CFAP43: variants seen among roughly 807,000 people sequenced by gnomAD.
CFAP43 encodes the protein cilia- and flagella-associated protein 43.
In CFAP43, 155 loss-of-function variants were observed where a neutral mutation model predicts 218.9. The observed-to-expected ratio is 0.71, with a 90% CI of 0.62 to 0.81. The LOEUF (loss-of-function observed/expected upper bound fraction) is 0.81, where lower values mean the gene tolerates loss of function less well. Among genes scored for constraint, CFAP43 ranks in the 30% least tolerant of loss-of-function variants. CFAP43 has a pLI of 0.00. For missense variants in CFAP43, 1,778 were observed against 1,954.3 expected (o/e 0.91, Z 1.70); for synonymous variants, 645 against 681.3 (o/e 0.95, Z 0.83).
chr10:104,140,785 T>G (rs2087669679), intron 34 of CFAP43, 57 bp downstream of exon 34: 1 of 1,397,050 alleles, frequency 7.2e-7, no homozygotes, highest in Non-Finnish European at 9.6e-7. Flanking sequence ...CACAAGACTC[T>G]AGCCTGAGTA....
At position 104,166,565 on chromosome 10, in the gene CFAP43, C is replaced by T; in HGVS notation, c.2962G>A (p.Val988Ile). The change falls in exon 23 of 38, where the codon GTA becomes ATA. Residue 988 changes from valine (V) to isoleucine (I), a missense_variant. Val to Ile is a conservative substitution (Grantham distance 29). Around this residue, in one of 3 missense-constraint regions of CFAP43, gnomAD observed 1,553 missense variants for 1,685.2 expected, o/e 0.92. Coordinates refer to ENST00000357060, the MANE Select transcript of CFAP43 (RefSeq NM_025145.7). ...LLGSLSTDFG[V>I]DTSLLSSQLE... ...TGGCTTGACAATAAAGAGGTATCTA[C>T]CCCAAAATCAGTACTCAGACTACCA... 2 of 1,614,070 alleles carry T rather than the reference C, an allele frequency of 1.2e-6. No homozygotes were observed. The highest frequency in any genetic ancestry group is 2.2e-5 in the East Asian group (1 of 44,868).
rs1304526466 is a variant in CFAP43, at chr10:104,217,738, C to T, written c.417-3312G>A. ...AGGTCAGCTGGTACCTATGCCAGCA[C>T]CTGCTCCACTGTATCATACAGATGC... On this transcript the variant is annotated intron_variant, in intron 3 of 37. Coordinates refer to ENST00000357060, the MANE Select transcript of CFAP43 (RefSeq NM_025145.7). 2.0e-5 allele frequency among the ~76,000 whole-genome samples: 3 copies of T among 152,196 alleles called. No homozygotes were observed. The South Asian group carries it at 6.2e-4, about 31-fold the overall frequency.
At position 104,185,250 on chromosome 10, in the gene CFAP43, A is replaced by G. The variant is rs1382508516; in HGVS notation, c.2011-104T>C. The G allele has an allele frequency of 4.2e-6, 6 of 1,436,558 alleles. No homozygotes were observed. The African/African-American group carries it at 4.3e-5, about 10-fold the overall frequency. The allele number at this position is 1,436,558 out of a possible 1,614,324, so 89.0% of individuals were successfully genotyped here. A position where few individuals can be genotyped will look rare whatever the true frequency, so the allele number is the denominator to read the frequency against. On this transcript the variant is annotated intron_variant, in intron 15 of 37. Coordinates refer to ENST00000357060, the MANE Select transcript of CFAP43 (RefSeq NM_025145.7). ...CTTTTTTGTGGATAAATCATTTTCT[A>G]TTTGCTAACAGCATTTTAATTGGTA... is the stretch of plus-strand genomic sequence containing the variant.
chr10:104,215,956 T>A (rs1412636385), intron 3 of CFAP43, among the ~76,000 whole-genome samples: 1 of 152,106 alleles, frequency 6.6e-6, no homozygotes, highest in African/African-American at 2.4e-5. Context: ...CTTAGGGACA[T>A]TGGTTTACTC....
intron 12 of CFAP43, among the ~76,000 whole-genome samples, chr10:104,189,287 A>C (rs1040599144): frequency 1.1e-4 from 17 of 152,142 alleles, no homozygotes; most frequent in African/African-American, 4.1e-4. Flanking sequence ...CCTGTCTTCA[A>C]ATAAGAACCT....
At chr10:104,216,021 A>G (rs771912688) in intron 3 of CFAP43, among the ~76,000 whole-genome samples, 2 of 151,936 alleles carry the variant, frequency 1.3e-5, no homozygotes, top group Non-Finnish European at 2.9e-5. Flanking sequence ...CTGCCAACAC[A>G]CAAGTGCTCA....
At chr10:104,220,471 T>A (rs535407659) in intron 3 of CFAP43, among the ~76,000 whole-genome samples, 6 of 152,280 alleles carry the variant, frequency 3.9e-5, no homozygotes, top group South Asian at 4.1e-4. Flanking sequence ...GTTCCCATTG[T>A]GCCTTAGATC....
intron 28 of CFAP43, among the ~76,000 whole-genome samples, chr10:104,151,161 T>C (rs2088236972): frequency 6.6e-6 from 1 of 152,260 alleles, no homozygotes; most frequent in African/African-American, 2.4e-5. Flanking sequence ...GCATTTAGGT[T>C]GATTCCATGT....
At chr10:104,212,449 T>C (rs1431228135) in intron 4 of CFAP43, among the ~76,000 whole-genome samples, 1 of 152,178 alleles carries the variant, frequency 6.6e-6, no homozygotes. Context: ...ATGTGACTGG[T>C]GAGGACAGTG....
At chr10:104,215,751 AT>A (rs1447162826) in intron 3 of CFAP43, among the ~76,000 whole-genome samples, 3 of 151,946 alleles carry the variant, frequency 2.0e-5, no homozygotes, top group African/African-American at 7.3e-5. Flanking sequence ...TCCCTTCTCA[AT>A]CTCAGTAAAT....
intron 2 of CFAP43, among the ~76,000 whole-genome samples, chr10:104,227,017 C>T (rs772147394): frequency 3.1e-4 from 47 of 151,948 alleles, no homozygotes; most frequent in East Asian, 5.8e-4. Context: ...GACTCTGTCT[C>T]ATCATATATA....
At chr10:104,147,819 G>A (rs181339282) in intron 29 of CFAP43, 72 bp downstream of exon 29, 207 of 1,058,238 alleles carry the variant, frequency 2.0e-4, no homozygotes, top group African/African-American at 8.4e-4. Flanking sequence ...GTCTAGACAC[G>A]TGAGCTCTTG....
chr10:104,148,337 C>G (rs2088078572), intron 28 of CFAP43, among the ~76,000 whole-genome samples: 1 of 152,186 alleles, frequency 6.6e-6, no homozygotes, highest in Admixed American at 6.5e-5. Flanking sequence ...GAGTCCTCAT[C>G]AAAATCTCAA....
intron 27 of CFAP43, 90 bp downstream of exon 27, chr10:104,160,947 A>G: frequency 2.3e-6 from 3 of 1,298,984 alleles, no homozygotes; most frequent in Non-Finnish European, 3.2e-6. Flanking sequence ...TTAAGCTATT[A>G]AAGATATCGA....
intron 10 of CFAP43, among the ~76,000 whole-genome samples, chr10:104,194,494 C>T (rs1046616706): frequency 6.6e-6 from 1 of 152,058 alleles, no homozygotes; most frequent in Non-Finnish European, 1.5e-5. Flanking sequence ...GTCAGCCTGC[C>T]GAGTCGCTGG....
chr10:104,160,789 G>T (rs757175070), intron 27 of CFAP43, among the ~76,000 whole-genome samples: 2 of 152,174 alleles, frequency 1.3e-5, no homozygotes, highest in African/African-American at 2.4e-5. Context: ...CAAATGAATT[G>T]TAATGACACG....
In CFAP43 at chr10:104,229,943, G is replaced by C. The variant is rs955482313; in HGVS notation, c.319+647C>G. ...AAAAAGGCAATAGTCTTCTAGCCCA[G>C]TGCTTCTCAAAGTTTAATGTGCATA... is the stretch of plus-strand genomic sequence containing the variant. On this transcript the variant is annotated intron_variant, in intron 2 of 37. Transcript: ENST00000357060. 2.0e-5 allele frequency among the ~76,000 whole-genome samples: 3 copies of C among 152,186 alleles called. No homozygotes were observed. In the South Asian group the frequency reaches 6.2e-4, roughly 31 times the overall value.
intron 10 of CFAP43, among the ~76,000 whole-genome samples, 184 bp from the exon 11 acceptor site, chr10:104,194,198 G>C (rs575042307): frequency 2.6e-5 from 4 of 152,220 alleles, no homozygotes; most frequent in Non-Finnish European, 5.9e-5. Context: ...GATGGCACAG[G>C]AATCTGTACA....
At chr10:104,176,718 T>C (rs1208239184) in intron 19 of CFAP43, among the ~76,000 whole-genome samples, 1 of 152,124 alleles carries the variant, frequency 6.6e-6, no homozygotes, top group Non-Finnish European at 1.5e-5. Flanking sequence ...AAGCCCTGAG[T>C]TGAAGATAGC....
Sources: allele counts gnomAD v4.1 joint callset (sites outside exome capture counted in the v4.1 genomes callset), GRCh38; gene constraint gnomAD v4.1.1; regional missense constraint gnomAD v4.1.1; transcripts MANE v1.5; gene names NCBI Gene and HGNC (gene_info 2026-07-23, HGNC 2026-07-21).